The following TSPAN18 variants were observed in gnomAD, a reference collection of about 807,000 sequenced individuals.
TSPAN18 encodes the protein tetraspanin-18.
Under a neutral mutation model 27.3 loss-of-function variants are expected in TSPAN18, and 14 were observed. The observed-to-expected ratio is 0.51, with a 90% CI of 0.34 to 0.80. TSPAN18 has a LOEUF of 0.80. TSPAN18 is among the 30% of genes least tolerant of loss of function. The pLI is 0.01. For synonymous variants in TSPAN18, 143 were observed against 136.5 expected, an observed-to-expected ratio of 1.05 and a Z score of -0.33; for missense variants, 268 against 323.9, an observed-to-expected ratio of 0.83 and a Z score of 1.32.
intron 2 of TSPAN18, among the ~76,000 whole-genome samples, chr11:44,843,260 G>T (rs1857412115): frequency 1.3e-5 from 2 of 152,156 alleles, no homozygotes; most frequent in African/African-American, 4.8e-5. Context: ...AAATTTTAAA[G>T]CTGGGCATCC....
At chr11:44,751,934 A>C (rs1047564752) in intron 1 of TSPAN18, among the ~76,000 whole-genome samples, 2 of 152,108 alleles carry the variant, frequency 1.3e-5, no homozygotes, top group Non-Finnish European at 2.9e-5. Flanking sequence ...CTCAAAAAAA[A>C]AAAAAAGAAG....
chr11:44,807,754 A>G (rs1399170222), intron 2 of TSPAN18, among the ~76,000 whole-genome samples: 2 of 152,144 alleles, frequency 1.3e-5, no homozygotes. Flanking sequence ...TAGCCCTCAG[A>G]CAAGTCACCT....
At chr11:44,840,850 C>A (rs187932329) in intron 2 of TSPAN18, among the ~76,000 whole-genome samples, 115 of 152,314 alleles carry the variant, frequency 7.6e-4, no homozygotes, top group African/African-American at 2.6e-3. Flanking sequence ...AAGCTCAGGG[C>A]TCCTGGTTAC....
Position 44,931,545 on chromosome 11 carries a change from G to C in TSPAN18, c.*2367G>C, listed in dbSNP as rs1860562987. On this transcript the variant is annotated 3_prime_UTR_variant, in exon 10 of 10. Coordinates refer to ENST00000520358, the MANE Select transcript of TSPAN18 (RefSeq NM_130783.5). ...CAGCAGCTTTCTACAAATGTGCCAA[G>C]GAACCCTCAATCAGCCCTGATTCAG... 6.6e-6 allele frequency: 1 copy of C among 152,454 alleles called. No individual in the cohort carries two copies. Among genetic ancestry groups the C allele is most frequent in the Non-Finnish European group, 1.5e-5 (1 of 68,258 alleles). The allele number at this position is 152,454 out of a possible 1,614,324, so 9.4% of individuals were successfully genotyped here.
chr11:44,853,758 A>G (rs1857660344), intron 2 of TSPAN18, among the ~76,000 whole-genome samples: 1 of 152,170 alleles, frequency 6.6e-6, no homozygotes, highest in Non-Finnish European at 1.5e-5. Context: ...CATTTCCAAG[A>G]GGAAGCACTG....
At chr11:44,779,180 C>T (rs1037573652) in intron 2 of TSPAN18, among the ~76,000 whole-genome samples, 5 of 152,016 alleles carry the variant, frequency 3.3e-5, no homozygotes, top group Admixed American at 1.3e-4. Context: ...CTTCTAGGTG[C>T]GCATGTTCCT....
rs140388796 is a variant in TSPAN18, at chr11:44,746,174, C to T, written c.-239-18252C>T. ...CTGGGGATAAGCAGCAGCTGCCCCC[C>T]GTGGGTGGGGCACGTTGCTCTCTTC... On this transcript the variant is annotated intron_variant, in intron 1 of 9. Coordinates refer to ENST00000520358, the MANE Select transcript of TSPAN18 (RefSeq NM_130783.5). Among the ~76,000 whole-genome samples the T allele has an allele frequency of 4.6e-5, 7 of 152,286 alleles. No homozygotes were observed. The South Asian group carries it at 6.2e-4, about 14-fold the overall frequency.
At chr11:44,916,174 C>T (rs1042401300) in intron 5 of TSPAN18, among the ~76,000 whole-genome samples, 3 of 152,282 alleles carry the variant, frequency 2.0e-5, no homozygotes, top group Admixed American at 1.3e-4. Flanking sequence ...ATACTCCTCC[C>T]GAGGCGCTCA....
At chr11:44,811,676 G>A (rs1856720474) in intron 2 of TSPAN18, among the ~76,000 whole-genome samples, 1 of 152,070 alleles carries the variant, frequency 6.6e-6, no homozygotes, top group Admixed American at 6.5e-5. Context: ...TGGCCAGGTT[G>A]GTCACGAACT....
chr11:44,875,411 G>A lies in TSPAN18; in HGVS notation c.-11+14942G>A, dbSNP rs1858302376. On this transcript the variant is annotated intron_variant, in intron 3 of 9. Transcript: ENST00000520358. The stretch of plus-strand genomic sequence containing the variant: ...GGCTGGGAGCAAGTCTGGGCCTTGG[G>A]GCTTCGGAGGCTAGGGGCTGCCGAG... 2.0e-5 allele frequency among the ~76,000 whole-genome samples: 3 copies of A among 152,168 alleles called. No homozygotes were observed. The South Asian group carries it at 6.2e-4, about 32-fold the overall frequency.
At chr11:44,811,798 G>A (rs1856723623) in intron 2 of TSPAN18, among the ~76,000 whole-genome samples, 1 of 152,206 alleles carries the variant, frequency 6.6e-6, no homozygotes, top group African/African-American at 2.4e-5. Flanking sequence ...TTAGCCCTGA[G>A]TGTAAAGTCA....
At chr11:44,799,776 A>G (rs1356308063) in intron 2 of TSPAN18, among the ~76,000 whole-genome samples, 2 of 152,228 alleles carry the variant, frequency 1.3e-5, no homozygotes, top group Non-Finnish European at 2.9e-5. Flanking sequence ...GAACCCAGGC[A>G]GACTGCCTTC....
chr11:44,927,490 C>T (rs1322861503), intron 9 of TSPAN18, among the ~76,000 whole-genome samples: 3 of 152,328 alleles, frequency 2.0e-5, no homozygotes, highest in African/African-American at 7.2e-5. Flanking sequence ...CTCCAGCAGC[C>T]TGGGCACCTG....
Position 44,727,237 on chromosome 11 carries a change from C to T in TSPAN18, c.-290C>T, listed in dbSNP as rs1443322563. 2.0e-5 allele frequency: 3 copies of T among 151,818 alleles called. No homozygotes were observed. The highest frequency in any genetic ancestry group is 2.4e-5 in the African/African-American group (1 of 41,352). The allele number at this position is 151,818 out of a possible 1,614,324, so 9.4% of individuals were successfully genotyped here. On this transcript the variant is annotated 5_prime_UTR_variant, in exon 1 of 10. Coordinates refer to ENST00000520358, the MANE Select transcript of TSPAN18 (RefSeq NM_130783.5). ...CGCCCCTCCGACCAGGAAAGTTTCC[C>T]CCCGGCCGCCGGCGGGATTTGGCGC...
Position 44,763,351 on chromosome 11 carries a change from A to G in TSPAN18, c.-239-1075A>G, listed in dbSNP as rs934586204. 5.3e-5 allele frequency among the ~76,000 whole-genome samples: 8 copies of G among 152,218 alleles called. No individual in the cohort carries two copies. In the East Asian group the frequency reaches 5.8e-4, roughly 11 times the overall value. On this transcript the variant is annotated intron_variant, in intron 1 of 9. Transcript: ENST00000520358. ...GACTGGCCTGTCTCTGCTGGCAGGTATGTGGCCTGGACATGGTGAATTTGA... is the reference window on the plus strand; with the variant it reads ...GACTGGCCTGTCTCTGCTGGCAGGTGTGTGGCCTGGACATGGTGAATTTGA...
rs545683271 is a variant in TSPAN18 at position 44,785,723 on chromosome 11, C to T, written c.-153+21211C>T. Among the ~76,000 whole-genome samples, 10 of 152,220 alleles carry T rather than the reference C, an allele frequency of 6.6e-5. No individual in the cohort carries two copies. The South Asian group carries it at 8.3e-4, about 13-fold the overall frequency. On this transcript the variant is annotated intron_variant, in intron 2 of 9. Transcript: ENST00000520358. ...CAGTCTATGTATTTTGGGTCTTTGGCGGGACTTTGTAGAACTTTGTACTTA... is the reference window on the plus strand; with the variant it reads ...CAGTCTATGTATTTTGGGTCTTTGGTGGGACTTTGTAGAACTTTGTACTTA...
chr11:44,794,928 C>G (rs1403182452), intron 2 of TSPAN18, among the ~76,000 whole-genome samples: 1 of 152,214 alleles, frequency 6.6e-6, no homozygotes, highest in East Asian at 1.9e-4. Flanking sequence ...TAGTTATTAA[C>G]ATGCATTTTC....
At chr11:44,840,133 T>C (rs781131767) in intron 2 of TSPAN18, among the ~76,000 whole-genome samples, 5 of 152,184 alleles carry the variant, frequency 3.3e-5, no homozygotes, top group Non-Finnish European at 5.9e-5. Context: ...CAGGGAACCT[T>C]GAGCAATGTT....
intron 1 of TSPAN18, among the ~76,000 whole-genome samples, chr11:44,739,239 C>T (rs1046256106): frequency 1.3e-5 from 2 of 152,170 alleles, no homozygotes; most frequent in Non-Finnish European, 2.9e-5. Flanking sequence ...TCAAACATCC[C>T]AGGAAGTGAG....
Sources: allele counts gnomAD v4.1 joint callset (sites outside exome capture counted in the v4.1 genomes callset), GRCh38; gene constraint gnomAD v4.1.1; transcripts MANE v1.5; gene names NCBI Gene and HGNC (gene_info 2026-07-23, HGNC 2026-07-21).